BIRC6: variants seen among roughly 807,000 people sequenced by gnomAD.
BIRC6 encodes the protein dual E2 ubiquitin-conjugating enzyme/E3 ubiquitin-protein ligase BIRC6.
BIRC6 carries 98 observed loss-of-function variants against 503.3 expected under a neutral mutation model. The ratio of observed to expected loss-of-function variants is 0.19; its 90% CI spans 0.17 to 0.23. The LOEUF is 0.23. Ranked by LOEUF, BIRC6 falls within the 10% of genes least tolerant of loss-of-function variation. The probability of loss-of-function intolerance (pLI) is 1.00; values close to 1 mark genes in which losing one functional copy is unlikely to be tolerated. For missense variants in BIRC6, 5,360 were observed against 5,806.0 expected, an observed-to-expected ratio of 0.92 and a Z score of 2.50; for synonymous variants, 2,240 against 2,078.7, an observed-to-expected ratio of 1.08 and a Z score of -2.11.
intron 23 of BIRC6, among the ~76,000 whole-genome samples, chr2:32,460,995 CTGCT>C (rs1241971393): frequency 7.3e-6 from 1 of 137,436 alleles, no homozygotes. Flanking sequence ...CTGCTCTGCT[CTGCT>C]CTCTTCTCTT....
chr2:32,424,088 T>A (rs75084193), intron 10 of BIRC6, among the ~76,000 whole-genome samples: 3,758 of 152,250 alleles, frequency 0.025, 69 homozygotes, highest in African/African-American at 0.062. Context: ...GAAAGAAAAA[T>A]ATTTTATGTG....
chr2:32,594,141 T>A (rs2061540983), intron 67 of BIRC6, 81 bp downstream of exon 67: 2 of 1,457,970 alleles, frequency 1.4e-6, no homozygotes, highest in African/African-American at 1.4e-5. Flanking sequence ...CCTTTGTGTT[T>A]TTGCTTTATG....
chr2:32,521,000 T>G (rs997608766), intron 57 of BIRC6, among the ~76,000 whole-genome samples: 1 of 152,174 alleles, frequency 6.6e-6, no homozygotes, highest in Non-Finnish European at 1.5e-5. Context: ...TAAAACATTC[T>G]AGCATTCAAA....
chr2:32,466,511 ATCTAAACCCCAATG>A (rs2048558054), intron 26 of BIRC6, among the ~76,000 whole-genome samples: 1 of 152,164 alleles, frequency 6.6e-6, no homozygotes, highest in Non-Finnish European at 1.5e-5. Context: ...TTCACTTTGG[ATCTAAACCCCAATG>A]AATGCAATAT....
intron 6 of BIRC6, among the ~76,000 whole-genome samples, chr2:32,399,692 A>G (rs1486574880): frequency 6.6e-6 from 1 of 152,214 alleles, no homozygotes; most frequent in East Asian, 1.9e-4. Context: ...TGCTAAGTTG[A>G]TCCTGCTTAC....
rs199743645 is a variant in BIRC6 at position 32,523,824 on chromosome 2, C to T, written c.11624-1064C>T. 3.9e-5 allele frequency among the ~76,000 whole-genome samples: 6 copies of T among 152,140 alleles called. No individual in the cohort carries two copies. In the East Asian group the frequency reaches 1.2e-3, roughly 29 times the overall value. The stretch of plus-strand genomic sequence containing the variant: ...ATCCTAGCACTTTAGTAGGCTGAGG[C>T]AGGCAGATGGCTTGAGCCCAGGATT... On this transcript the variant is annotated intron_variant, in intron 57 of 73. Transcript: ENST00000421745.
At chr2:32,502,320 T>C (rs2053291008) in intron 47 of BIRC6, among the ~76,000 whole-genome samples, 1 of 152,162 alleles carries the variant, frequency 6.6e-6, no homozygotes, top group Non-Finnish European at 1.5e-5. Context: ...GTTACAAAAT[T>C]TTTCCTTTTT....
rs746383657 is a variant in BIRC6 at position 32,513,020 on chromosome 2, C to G, written c.10434C>G (p.Asn3478Lys). The G allele has an allele frequency of 6.2e-7, 1 of 1,613,914 alleles. No homozygotes were observed. The highest frequency in any genetic ancestry group is 8.5e-7 in the Non-Finnish European group (1 of 1,179,846). Reference sequence around the variant, plus strand: ...GCAGGATGAACTACATGTGTCCTAACTCCTCAACAGTAGAGTATGGTCTTC... The same window carrying G: ...GCAGGATGAACTACATGTGTCCTAAGTCCTCAACAGTAGAGTATGGTCTTC... ...RSGRMNYMCPNSSTVEYGLLM... is the reference protein window; with the variant it reads ...RSGRMNYMCPKSSTVEYGLLM... The change falls in exon 54 of 74, where the codon AAC becomes AAG. Residue 3478 changes from asparagine (N) to lysine (K), a missense_variant. Coordinates refer to ENST00000421745, the MANE Select transcript of BIRC6 (RefSeq NM_016252.4).
At chr2:32,474,998 C>A (rs1468802603) in intron 33 of BIRC6, among the ~76,000 whole-genome samples, 1 of 151,330 alleles carries the variant, frequency 6.6e-6, no homozygotes, top group Non-Finnish European at 1.5e-5. Context: ...TCAGTTGGCA[C>A]CAGGAGTTCA....
intron 23 of BIRC6, among the ~76,000 whole-genome samples, chr2:32,456,874 A>G (rs756617170): frequency 6.6e-6 from 1 of 152,138 alleles, no homozygotes; most frequent in Non-Finnish European, 1.5e-5. Flanking sequence ...TGAGACCATC[A>G]TATAAATTTA....
chr2:32,361,405 G>T (rs2034062145), intron 1 of BIRC6, among the ~76,000 whole-genome samples: 1 of 152,008 alleles, frequency 6.6e-6, no homozygotes, highest in African/African-American at 2.4e-5. Flanking sequence ...ACAAAATTGA[G>T]CAGAAAGTAC....
Position 32,592,107 on chromosome 2 carries a change from A to G in BIRC6, c.13356-1808A>G, listed in dbSNP as rs2061417227. ...AATTCTCTGATATTTCAGTCTTCAG[A>G]CGTACACTATACTCTCCTTATATAT... On this transcript the variant is annotated intron_variant, in intron 66 of 73. Transcript: ENST00000421745. Among the ~76,000 whole-genome samples, 4 of 152,220 alleles carry G rather than the reference A, an allele frequency of 2.6e-5. No homozygotes were observed. In the South Asian group the frequency reaches 8.3e-4, roughly 31 times the overall value.
intron 39 of BIRC6, among the ~76,000 whole-genome samples, chr2:32,484,333 C>T (rs1210237904): frequency 6.6e-6 from 1 of 152,016 alleles, no homozygotes; most frequent in African/African-American, 2.4e-5. Flanking sequence ...AGGTGGATCA[C>T]CTGAGGTCAA....
intron 65 of BIRC6, chr2:32,563,524 T>C (rs996246988): frequency 6.6e-6 from 1 of 152,236 alleles, no homozygotes; most frequent in African/African-American, 2.4e-5. Flanking sequence ...ATATATGCAA[T>C]GTTTACTGGG....
intron 23 of BIRC6, among the ~76,000 whole-genome samples, chr2:32,460,681 C>T (rs2047799995): frequency 6.6e-6 from 1 of 151,784 alleles, no homozygotes; most frequent in South Asian, 2.1e-4. Context: ...CTGATTAGTT[C>T]TATAGTATCA....
chr2:32,484,782 A>C (rs2050812676), intron 39 of BIRC6, among the ~76,000 whole-genome samples: 1 of 152,114 alleles, frequency 6.6e-6, no homozygotes, highest in Non-Finnish European at 1.5e-5. Flanking sequence ...CCAGTCCTTC[A>C]ACCCCAGCCT....
rs753015786 is a variant in BIRC6, at chr2:32,515,088, A to G, written c.10667A>G (p.Tyr3556Cys). 43 of 1,613,760 alleles carry G rather than the reference A, an allele frequency of 2.7e-5. No individual in the cohort carries two copies. The highest frequency in any genetic ancestry group is 2.2e-4 in the South Asian group (20 of 91,070). ...LCSMCHVHPN[Y>C]FSLLMGWMGI... ...TCAATGTGTCACGTACACCCAAACT[A>G]TTTTTCTTTGCTCATGGGCTGGATG... is the stretch of plus-strand genomic sequence containing the variant. Residue 3556 changes from tyrosine (Y) to cysteine (C), a missense_variant, in exon 55 of 74, where the codon TAT becomes TGT. Coordinates refer to ENST00000421745, the MANE Select transcript of BIRC6 (RefSeq NM_016252.4).
intron 9 of BIRC6, among the ~76,000 whole-genome samples, chr2:32,412,584 T>G (rs573538020): frequency 6.6e-6 from 1 of 152,152 alleles, no homozygotes; most frequent in East Asian, 1.9e-4. Context: ...AAATAAAGAT[T>G]AGCAGATAAT....
intron 9 of BIRC6, among the ~76,000 whole-genome samples, chr2:32,411,662 G>A (rs181758478): frequency 6.6e-6 from 1 of 151,866 alleles, no homozygotes; most frequent in Admixed American, 6.6e-5. Context: ...GTTTTTGGTA[G>A]AGACGGGGTT....
Sources: gnomAD v4.1 joint callset for allele counts (sites outside exome capture counted in the v4.1 genomes callset) on GRCh38, gnomAD v4.1.1 for gene constraint, MANE v1.5 for transcripts, NCBI Gene and HGNC (gene_info 2026-07-23, HGNC 2026-07-21) for gene names.